The following PIK3C2A variants were observed in gnomAD, a reference collection of about 807,000 sequenced individuals.
PIK3C2A encodes the protein phosphatidylinositol-4-phosphate 3-kinase catalytic subunit type 2 alpha.
A neutral mutation model predicts 204.5 loss-of-function variants in PIK3C2A; 97 were observed. The observed-to-expected ratio is 0.47, with a 90% CI of 0.40 to 0.56. The LOEUF is 0.56. PIK3C2A is among the 20% of genes least tolerant of loss of function. The probability of loss-of-function intolerance (pLI) is 0.00; values close to 1 mark genes in which losing one functional copy is unlikely to be tolerated. For synonymous variants in PIK3C2A, 653 were observed against 664.4 expected, an observed-to-expected ratio of 0.98 and a Z score of 0.26; for missense variants, 1,735 against 1,969.2, an observed-to-expected ratio of 0.88 and a Z score of 2.25.
chr11:17,198,755 G>A (rs923382964), intron 1 of PIK3C2A, among the ~76,000 whole-genome samples: 4 of 151,150 alleles, frequency 2.6e-5, no homozygotes, highest in Non-Finnish European at 4.4e-5. Context: ...TTGTCTCTGC[G>A]AATAGCCATT....
intron 1 of PIK3C2A, among the ~76,000 whole-genome samples, chr11:17,180,747 G>A (rs1210879357): frequency 1.3e-5 from 2 of 152,074 alleles, no homozygotes; most frequent in Admixed American, 6.6e-5. Context: ...ACTTGAACCC[G>A]GGAGGCAGAG....
chr11:17,093,318 G>C (rs1422436773), intron 28 of PIK3C2A, among the ~76,000 whole-genome samples: 2 of 152,214 alleles, frequency 1.3e-5, no homozygotes, highest in African/African-American at 4.8e-5. Context: ...CCAGGCTGGA[G>C]TGCAGTGGTG....
intron 11 of PIK3C2A, among the ~76,000 whole-genome samples, chr11:17,133,958 C>A (rs1849786186): frequency 1.3e-5 from 2 of 151,962 alleles, no homozygotes; most frequent in South Asian, 4.2e-4. Flanking sequence ...TGAACGAACA[C>A]CAGTCTTAAA....
intron 24 of PIK3C2A, among the ~76,000 whole-genome samples, chr11:17,101,952 T>C (rs1271638941): frequency 6.6e-6 from 1 of 152,102 alleles, no homozygotes; most frequent in Non-Finnish European, 1.5e-5. Context: ...TCTCATTATT[T>C]AGAGAGAACT....
intron 1 of PIK3C2A, among the ~76,000 whole-genome samples, chr11:17,176,754 C>A (rs1353938454): frequency 6.6e-6 from 1 of 152,002 alleles, no homozygotes; most frequent in Non-Finnish European, 1.5e-5. Context: ...TCACTGCACT[C>A]CAGCCTGGGG....
Position 17,089,814 on chromosome 11 carries a change from G to C in PIK3C2A, c.4985C>G (p.Thr1662Ser), listed in dbSNP as rs998881219. ...LRENFFLGGV[T>S]LPLKDFNLSK... ...CAAGTTGAAATCTTTCAAAGGCAGGGTTACTCCACCCAAGAAAAAATTCTC... is the reference window on the plus strand; with the variant it reads ...CAAGTTGAAATCTTTCAAAGGCAGGCTTACTCCACCCAAGAAAAAATTCTC... The change falls in exon 33 of 33, where the codon ACC (threonine) becomes AGC (serine). Residue 1662 changes from threonine to serine, a missense_variant. Physicochemically the swap from Thr to Ser is moderately conservative, Grantham distance 58 (BLOSUM62 1). This residue lies in a region of PIK3C2A where 503 missense variants were observed against 669.0 expected (regional missense o/e 0.75). Transcript: ENST00000691414. 2 of 1,613,818 alleles carry C rather than the reference G, an allele frequency of 1.2e-6. No homozygotes were observed. The highest frequency in any genetic ancestry group is 1.7e-6 in the Non-Finnish European group (2 of 1,179,786).
intron 1 of PIK3C2A, among the ~76,000 whole-genome samples, chr11:17,178,135 A>G (rs1255509092): frequency 6.6e-6 from 1 of 151,380 alleles, no homozygotes; most frequent in Non-Finnish European, 1.5e-5. Flanking sequence ...TGCATGTCAC[A>G]TATAATTTAA....
chr11:17,101,216 T>A lies in PIK3C2A; in HGVS notation c.4008+62A>T, dbSNP rs993387947. 34 of 928,628 alleles carry A rather than the reference T, an allele frequency of 3.7e-5. No homozygotes were observed. The African/African-American group carries it at 4.6e-4, about 13-fold the overall frequency. 57.5% of individuals were successfully genotyped at this position (928,628 alleles called of 1,614,324 possible). ...TCCAAAATCACAAAATAATCTTTTT[T>A]AAGTATTGAAACATAGATGCATTAA... On this transcript the variant is annotated intron_variant, in intron 25 of 32. Coordinates refer to ENST00000691414, the MANE Select transcript of PIK3C2A (RefSeq NM_002645.4).
At position 17,169,372 on chromosome 11, in the gene PIK3C2A, T is replaced by A. The variant is rs370462630; in HGVS notation, c.370A>T (p.Ser124Cys). The A allele has an allele frequency of 1.9e-6, 3 of 1,613,872 alleles. No individual in the cohort carries two copies. The African/African-American group carries it at 4.0e-5, about 22-fold the overall frequency. The change falls in exon 2 of 33, where the codon AGC becomes TGC. Residue 124 changes from serine (S) to cysteine (C), a missense_variant. This residue lies in a region of PIK3C2A where 536 missense variants were observed against 546.7 expected (regional missense o/e 0.98). Coordinates refer to ENST00000691414, the MANE Select transcript of PIK3C2A (RefSeq NM_002645.4). Reference sequence around the variant, plus strand: ...TAGAGCTGTGCTGAAAAGGAAGGGCTCAGAATAGGAGTAACTGGTAATACA... The same window carrying A: ...TAGAGCTGTGCTGAAAAGGAAGGGCACAGAATAGGAGTAACTGGTAATACA... ...TPVLPVTPIL[S>C]PSFSAQLYFR...
intron 8 of PIK3C2A, 130 bp downstream of exon 8, chr11:17,145,538 T>C (rs1456145997): frequency 1.7e-6 from 1 of 601,414 alleles, no homozygotes; most frequent in African/African-American, 1.9e-5. Context: ...CTATTTTCTT[T>C]ATAAATTAAA....
chr11:17,124,074 G>A (rs1345443980), intron 13 of PIK3C2A, among the ~76,000 whole-genome samples: 2 of 151,360 alleles, frequency 1.3e-5, no homozygotes, highest in African/African-American at 2.4e-5. Flanking sequence ...TCACTCTGTC[G>A]CCCTGGTTGG....
At position 17,145,905 on chromosome 11, in the gene PIK3C2A, T is replaced by A. The variant is rs758276141; in HGVS notation, c.1598A>T (p.His533Leu). 1 of 1,613,616 alleles carries A rather than the reference T, an allele frequency of 6.2e-7. No homozygotes were observed. The highest frequency in any genetic ancestry group is 1.7e-5 in the Admixed American group (1 of 60,014). ...GCAAGGTTTTTCTATTTGATACAGGTGTTTGTTTAAATCCACGGGTGTTTC... is the reference window on the plus strand; with the variant it reads ...GCAAGGTTTTTCTATTTGATACAGGAGTTTGTTTAAATCCACGGGTGTTTC... ...DDETPVDLNK[H>L]LYQIEKPCKE... The change falls in exon 7 of 33, where the codon CAC becomes CTC. Residue 533 changes from histidine to leucine, a missense_variant. His to Leu is a moderately conservative substitution (Grantham distance 99). This residue lies in a region of PIK3C2A where 106 missense variants were observed against 108.2 expected (regional missense o/e 0.98). Transcript: ENST00000691414.
chr11:17,199,903 C>CAAAAAAAA (rs35435978), intron 1 of PIK3C2A, among the ~76,000 whole-genome samples: 9 of 106,864 alleles, frequency 8.4e-5, no homozygotes, highest in African/African-American at 2.5e-4. Flanking sequence ...GCCTCCATCT[C>CAAAAAAAA]AAAAAAAAAA....
chr11:17,125,719 A>G (rs1021549261), intron 13 of PIK3C2A, among the ~76,000 whole-genome samples: 6 of 152,102 alleles, frequency 3.9e-5, no homozygotes, highest in African/African-American at 7.2e-5. Flanking sequence ...GGGTTTCGCC[A>G]TATTGGCCAG....
chr11:17,107,885 T>C (rs1039879394), intron 22 of PIK3C2A, among the ~76,000 whole-genome samples: 1 of 123,586 alleles, frequency 8.1e-6, no homozygotes, highest in African/African-American at 2.8e-5. Context: ...TTCTGGTTGT[T>C]TTCTGAGACA....
chr11:17,146,129 G>A (rs1850236252), intron 6 of PIK3C2A, among the ~76,000 whole-genome samples, 187 bp from the exon 7 acceptor site: 1 of 151,764 alleles, frequency 6.6e-6, no homozygotes, highest in Non-Finnish European at 1.5e-5. Context: ...TCAACATCCT[G>A]AAAAAAAACT....
chr11:17,101,536 C>A (rs749381080), intron 24 of PIK3C2A, 102 bp from the exon 25 acceptor site: 1 of 498,422 alleles, frequency 2.0e-6, no homozygotes, highest in Non-Finnish European at 3.4e-6. Context: ...ACAGCCATTT[C>A]CAACTAGGAA....
At chr11:17,135,704 TG>T (rs1245538982) in intron 9 of PIK3C2A, among the ~76,000 whole-genome samples, 4 of 150,896 alleles carry the variant, frequency 2.7e-5, no homozygotes, top group African/African-American at 7.4e-5. Flanking sequence ...TGTGTGTGTG[TG>T]TGTGTGTGTG....
Position 17,129,375 on chromosome 11 carries a change from G to C in PIK3C2A, c.2324C>G (p.Ser775Cys). ...CTTTCTCTGCTTATTAGAATCAGGG[G>C]AACTTCCACTGCTCTGATTTAAAAT... ...FGILNQSSGSSPDSNKQRKGP... is the reference protein window; with the variant it reads ...FGILNQSSGSCPDSNKQRKGP... The change falls in exon 13 of 33, where the codon TCC (serine) becomes TGC (cysteine). Residue 775 changes from serine (S) to cysteine (C), a missense_variant. By Grantham distance (112) the Ser-to-Cys change is moderately radical. Around this residue, in one of 6 missense-constraint regions of PIK3C2A, gnomAD observed 567 missense variants for 576.0 expected, o/e 0.98. Coordinates refer to ENST00000691414, the MANE Select transcript of PIK3C2A (RefSeq NM_002645.4). 2 of 1,612,318 alleles carry C rather than the reference G, an allele frequency of 1.2e-6. No homozygotes were observed. The highest frequency in any genetic ancestry group is 8.5e-7 in the Non-Finnish European group (1 of 1,178,386).
Sources: allele counts gnomAD v4.1 joint callset (sites outside exome capture counted in the v4.1 genomes callset), GRCh38; gene constraint gnomAD v4.1.1; regional missense constraint gnomAD v4.1.1; transcripts MANE v1.5; gene names NCBI Gene and HGNC (gene_info 2026-07-23, HGNC 2026-07-21).